The following TAB2 variants were observed in gnomAD, a reference collection of about 807,000 sequenced individuals.
TAB2 encodes TGF-beta activated kinase 1 (MAP3K7) binding protein 2.
A neutral mutation model predicts 65.0 loss-of-function variants in TAB2; 3 were observed. The observed-to-expected ratio is 0.05, with a 90% CI of 0.02 to 0.12. The LOEUF is 0.12. TAB2 is among the 10% of genes least tolerant of loss of function. The pLI is 1.00. For missense variants in TAB2, 623 were observed against 840.3 expected, an observed-to-expected ratio of 0.74 and a Z score of 3.20; for synonymous variants, 298 against 285.1, an observed-to-expected ratio of 1.05 and a Z score of -0.46.
At chr6:149,239,754 A>G (rs1031518211) in intron 1 of TAB2, among the ~76,000 whole-genome samples, 5 of 152,316 alleles carry the variant, frequency 3.3e-5, no homozygotes, top group Admixed American at 6.5e-5. Flanking sequence ...CACTCAACAA[A>G]TACTTCTTGA....
intron 1 of TAB2, among the ~76,000 whole-genome samples, chr6:149,324,683 C>G (rs1415179970): frequency 6.6e-6 from 1 of 152,126 alleles, no homozygotes; most frequent in Non-Finnish European, 1.5e-5. Flanking sequence ...TTGAACTCAG[C>G]AACTTGACCT....
intron 1 of TAB2, among the ~76,000 whole-genome samples, chr6:149,263,331 G>C (rs918979655): frequency 2.0e-5 from 3 of 152,066 alleles, no homozygotes; most frequent in Admixed American, 1.3e-4. Context: ...GAAATAAATT[G>C]GTAGTTATCT....
At chr6:149,405,398 A>G (rs1782629789) in intron 6 of TAB2, among the ~76,000 whole-genome samples, 1 of 152,256 alleles carries the variant, frequency 6.6e-6, no homozygotes, top group South Asian at 2.1e-4. Context: ...CAATCGCACT[A>G]CTGAGCATAT....
intron 3 of TAB2, among the ~76,000 whole-genome samples, chr6:149,395,729 C>T (rs1782142332): frequency 6.6e-6 from 1 of 151,240 alleles, no homozygotes. Context: ...ATTTACTCAT[C>T]TTATTCCATT....
upstream of TAB2, among the ~76,000 whole-genome samples, chr6:149,316,111 C>T (rs564874523): frequency 4.6e-5 from 7 of 152,188 alleles, no homozygotes; most frequent in African/African-American, 1.7e-4. Flanking sequence ...CAGAGAACTG[C>T]TGTAAAGCGT....
At chr6:149,338,870 G>A (rs982290103) in intron 1 of TAB2, among the ~76,000 whole-genome samples, 1 of 152,186 alleles carries the variant, frequency 6.6e-6, no homozygotes, top group Non-Finnish European at 1.5e-5. Flanking sequence ...ATTCTTTTCT[G>A]TATGGTTGAA....
intron 1 of TAB2, among the ~76,000 whole-genome samples, chr6:149,293,230 G>GAA (rs540645809): frequency 2.6e-5 from 4 of 152,000 alleles, no homozygotes; most frequent in African/African-American, 9.7e-5. Context: ...ATTTCATTTA[G>GAA]AAAAAAATCA....
chr6:149,232,299 C>A (rs1174562503), intron 1 of TAB2, among the ~76,000 whole-genome samples: 3 of 152,112 alleles, frequency 2.0e-5, no homozygotes, highest in Non-Finnish European at 4.4e-5. Flanking sequence ...ACCATCTCAG[C>A]TCACTGCAAC....
intron 1 of TAB2, among the ~76,000 whole-genome samples, chr6:149,307,678 A>G (rs1379822490): frequency 6.6e-6 from 1 of 152,212 alleles, no homozygotes; most frequent in Admixed American, 6.5e-5. Flanking sequence ...AGTCCGAATA[A>G]TAAAAATTTC....
intron 1 of TAB2, among the ~76,000 whole-genome samples, chr6:149,352,307 A>G (rs1780517257): frequency 6.6e-6 from 1 of 152,092 alleles, no homozygotes; most frequent in South Asian, 2.1e-4. Context: ...ATATGTGTTT[A>G]TTGTACATCT....
At chr6:149,359,113 C>T (rs893902268) in intron 1 of TAB2, among the ~76,000 whole-genome samples, 11 of 152,040 alleles carry the variant, frequency 7.2e-5, no homozygotes, top group African/African-American at 2.7e-4. Flanking sequence ...TATTAATCAT[C>T]TAATTAATGT....
chr6:149,299,508 G>T (rs1778934430), intron 1 of TAB2, among the ~76,000 whole-genome samples: 1 of 152,146 alleles, frequency 6.6e-6, no homozygotes, highest in South Asian at 2.1e-4. Context: ...GGAGGGGGAG[G>T]CTGCAGTGAG....
At chr6:149,230,765 C>T (rs1354146381) in intron 1 of TAB2, among the ~76,000 whole-genome samples, 1 of 152,214 alleles carries the variant, frequency 6.6e-6, no homozygotes, top group African/African-American at 2.4e-5. Flanking sequence ...GATGAGCTGT[C>T]ATGAACTAGA....
At chr6:149,298,127 T>G (rs1245275685) in intron 1 of TAB2, among the ~76,000 whole-genome samples, 2 of 152,006 alleles carry the variant, frequency 1.3e-5, no homozygotes, top group Non-Finnish European at 1.5e-5. Flanking sequence ...TGAAAAAAAA[T>G]TAAGCAGTCT....
At chr6:149,303,754 T>C (rs1293759605) in intron 1 of TAB2, among the ~76,000 whole-genome samples, 1 of 152,222 alleles carries the variant, frequency 6.6e-6, no homozygotes, top group African/African-American at 2.4e-5. Context: ...AATCAATATA[T>C]TCATTTACTT....
At chr6:149,280,285 T>C (rs374227350) in intron 1 of TAB2, among the ~76,000 whole-genome samples, 10 of 152,340 alleles carry the variant, frequency 6.6e-5, no homozygotes, top group East Asian at 5.8e-4. Context: ...ATTTAATATA[T>C]GGGATGCTCA....
intron 6 of TAB2, among the ~76,000 whole-genome samples, chr6:149,403,014 C>T (rs1359492981): frequency 1.3e-5 from 2 of 151,984 alleles, no homozygotes; most frequent in East Asian, 1.9e-4. Context: ...GCGGGTGGGT[C>T]ACCTAAGGTC....
At chr6:149,364,396 T>C (rs2114842151) in intron 1 of TAB2, among the ~76,000 whole-genome samples, 1 of 152,240 alleles carries the variant, frequency 6.6e-6, no homozygotes, top group East Asian at 1.9e-4. Flanking sequence ...TCCCATGCTC[T>C]GCTTTGGAAT....
intron 1 of TAB2, among the ~76,000 whole-genome samples, chr6:149,301,316 A>G (rs1014391886): frequency 6.6e-6 from 1 of 152,214 alleles, no homozygotes; most frequent in Middle Eastern, 3.2e-3. Context: ...CAACAATGCT[A>G]GAAGAAAGTT....
Sources: allele counts gnomAD v4.1 joint callset (sites outside exome capture counted in the v4.1 genomes callset), GRCh38; gene constraint gnomAD v4.1.1; transcripts MANE v1.5; gene names NCBI Gene and HGNC (gene_info 2026-07-23, HGNC 2026-07-21).